The following PCDH11X variants were observed in gnomAD, a reference collection of about 807,000 sequenced individuals.
PCDH11X encodes the protein protocadherin-11 X-linked.
PCDH11X carries 18 observed loss-of-function variants against 53.3 expected under a neutral mutation model. The ratio of observed to expected loss-of-function variants is 0.34; its 90% CI spans 0.23 to 0.50. The LOEUF is 0.50. Among genes scored for constraint, PCDH11X ranks in the 20% least tolerant of loss-of-function variants. The pLI is 0.98. For missense variants in PCDH11X, 570 were observed against 1,032.4 expected, an observed-to-expected ratio of 0.55 and a Z score of 6.14; for synonymous variants, 279 against 393.3, an observed-to-expected ratio of 0.71 and a Z score of 3.44.
At chrX:92,533,372 C>A (rs1178503583) in intron 10 of PCDH11X, among the ~76,000 whole-genome samples, 38 of 107,749 alleles carry the variant, frequency 3.5e-4, no homozygotes, top group African/African-American at 1.3e-3. Context: ...ATCAAGAAAG[C>A]TGAGGATGTT....
At chrX:92,340,221 G>A (rs1256241088) in intron 8 of PCDH11X, among the ~76,000 whole-genome samples, 4 of 111,165 alleles carry the variant, frequency 3.6e-5, no homozygotes, top group African/African-American at 1.3e-4. Flanking sequence ...GTGGCTTTCT[G>A]GTTTTTGGCC....
intron 10 of PCDH11X, among the ~76,000 whole-genome samples, chrX:92,500,582 C>T (rs1021873537): frequency 9.1e-6 from 1 of 110,430 alleles, no homozygotes; most frequent in African/African-American, 3.3e-5. Context: ...AAGATTAAGA[C>T]ATCCACTCAA....
At chrX:92,257,382 C>G (rs748455786) in intron 7 of PCDH11X, among the ~76,000 whole-genome samples, 1 of 111,324 alleles carries the variant, frequency 9.0e-6, no homozygotes, top group African/African-American at 3.3e-5. Flanking sequence ...TCCCCCAAAT[C>G]TCATGTCTTT....
intron 10 of PCDH11X, among the ~76,000 whole-genome samples, chrX:92,586,997 T>TG (rs1379683437): frequency 1.1e-4 from 11 of 101,928 alleles, no homozygotes; most frequent in Non-Finnish European, 2.0e-4. Context: ...TTTTTTTTTT[T>TG]GCCTGAAATT....
intron 6 of PCDH11X, among the ~76,000 whole-genome samples, chrX:91,924,601 G>A (rs1218816512): frequency 8.9e-6 from 1 of 112,003 alleles, no homozygotes; most frequent in African/African-American, 3.2e-5. Context: ...CAAGCCATAT[G>A]CATAATTTAT....
At chrX:91,850,844 G>C (rs758013604) in intron 5 of PCDH11X, among the ~76,000 whole-genome samples, 93 of 110,199 alleles carry the variant, frequency 8.4e-4, no homozygotes, top group African/African-American at 2.9e-3. Flanking sequence ...CAAAAGCCTT[G>C]ATATTCCCAA....
intron 8 of PCDH11X, among the ~76,000 whole-genome samples, chrX:92,368,863 C>T (rs1340589614): frequency 4.5e-5 from 5 of 110,008 alleles, no homozygotes; most frequent in Non-Finnish European, 5.7e-5. Context: ...CTGCTCCTTC[C>T]TCTGGAAGCT....
At chrX:92,155,784 G>A (rs962045986) in intron 6 of PCDH11X, among the ~76,000 whole-genome samples, 7 of 109,113 alleles carry the variant, frequency 6.4e-5, no homozygotes, top group Non-Finnish European at 1.1e-4. Context: ...CCGCCACCGC[G>A]CCCGGCTAAT....
intron 6 of PCDH11X, among the ~76,000 whole-genome samples, chrX:92,165,884 A>G (rs928642603): frequency 1.8e-5 from 2 of 111,383 alleles, no homozygotes; most frequent in African/African-American, 6.5e-5. Flanking sequence ...TGGGACTATT[A>G]CTAGATACAC....
intron 9 of PCDH11X, among the ~76,000 whole-genome samples, chrX:92,407,960 A>T (rs2071559389): frequency 9.2e-6 from 1 of 108,944 alleles, no homozygotes; most frequent in Non-Finnish European, 1.9e-5. Flanking sequence ...ATCTCGGCTC[A>T]CTGAAACCTC....
intron 7 of PCDH11X, among the ~76,000 whole-genome samples, chrX:92,211,907 A>C (rs2066593552): frequency 9.0e-6 from 1 of 110,732 alleles, no homozygotes; most frequent in Admixed American, 9.7e-5. Flanking sequence ...CTACCTTTCT[A>C]GACTATGCAT....
intron 9 of PCDH11X, among the ~76,000 whole-genome samples, chrX:92,452,500 T>G (rs1247010231): frequency 7.0e-5 from 2 of 28,385 alleles, no homozygotes; most frequent in Non-Finnish European, 1.1e-4. Context: ...TATATATATG[T>G]TTTTTTTTTT....
chrX:92,237,772 T>C (rs1482503004), intron 7 of PCDH11X, among the ~76,000 whole-genome samples: 2 of 111,561 alleles, frequency 1.8e-5, no homozygotes, highest in African/African-American at 6.5e-5. Context: ...CCTTGGTTTC[T>C]GCACCCATAT....
intron 6 of PCDH11X, among the ~76,000 whole-genome samples, chrX:91,971,822 A>G (rs1280738631): frequency 9.0e-6 from 1 of 111,300 alleles, no homozygotes; most frequent in Non-Finnish European, 1.9e-5. Flanking sequence ...AATTTTTTTT[A>G]TATTGCTTGA....
intron 10 of PCDH11X, among the ~76,000 whole-genome samples, chrX:92,473,359 GC>G (rs1290144772): frequency 9.0e-6 from 1 of 110,929 alleles, no homozygotes; most frequent in African/African-American, 3.3e-5. Flanking sequence ...TCTTAGTCTG[GC>G]TAAAGGCTTG....
intron 9 of PCDH11X, among the ~76,000 whole-genome samples, chrX:92,432,854 A>G (rs1192800528): frequency 1.8e-5 from 2 of 109,574 alleles, no homozygotes; most frequent in Non-Finnish European, 3.8e-5. Context: ...ACAAACTTTC[A>G]TAAGTTTTCA....
chrX:92,284,363 G>A (rs1224831829), intron 8 of PCDH11X, among the ~76,000 whole-genome samples: 1 of 109,868 alleles, frequency 9.1e-6, no homozygotes, highest in East Asian at 2.8e-4. Flanking sequence ...GTGTGGGACT[G>A]TGTCCAGTTA....
intron 10 of PCDH11X, among the ~76,000 whole-genome samples, chrX:92,552,589 A>C (rs1209753754): frequency 9.2e-6 from 1 of 108,893 alleles, no homozygotes; most frequent in African/African-American, 3.3e-5. Flanking sequence ...CAGCAGTGAA[A>C]GTGGGCATCC....
intron 6 of PCDH11X, among the ~76,000 whole-genome samples, chrX:92,051,680 T>C (rs752853643): frequency 4.5e-5 from 5 of 111,791 alleles, no homozygotes; most frequent in Non-Finnish European, 9.4e-5. Context: ...TCTCAATATA[T>C]CTTCAAAGAA....
Sources: allele counts gnomAD v4.1 joint callset (sites outside exome capture counted in the v4.1 genomes callset), GRCh38; gene constraint gnomAD v4.1.1; transcripts MANE v1.5; gene names NCBI Gene and HGNC (gene_info 2026-07-23, HGNC 2026-07-21).